Variants in ZRANB3 observed in about 807,000 individuals in gnomAD.
ZRANB3 encodes zinc finger RANBP2-type containing 3, also known as DNA annealing helicase and endonuclease ZRANB3.
In ZRANB3, 125 loss-of-function variants were observed where a neutral mutation model predicts 133.8. That is an observed-to-expected ratio of 0.93 (90% CI 0.81 to 1.08). The LOEUF is 1.08. Among genes scored for constraint, ZRANB3 ranks in the 50% least tolerant of loss-of-function variants. The pLI is 0.00. For missense variants in ZRANB3, 1,229 were observed against 1,275.5 expected, an observed-to-expected ratio of 0.96 and a Z score of 0.56; for synonymous variants, 387 against 432.7, an observed-to-expected ratio of 0.89 and a Z score of 1.31.
chr2:135,454,347 T>C (rs1272322691), intron 2 of ZRANB3, among the ~76,000 whole-genome samples: 1 of 152,196 alleles, frequency 6.6e-6, no homozygotes, highest in Non-Finnish European at 1.5e-5. Context: ...AAAAACATTG[T>C]TTCGGAGCCT....
At chr2:135,382,063 C>T (rs532551217) in intron 3 of ZRANB3, among the ~76,000 whole-genome samples, 15 of 152,178 alleles carry the variant, frequency 9.9e-5, no homozygotes, top group African/African-American at 2.9e-4. Flanking sequence ...GGAGGAAGTA[C>T]GAACCCAATG....
At chr2:135,340,476 A>G (rs573478516) in intron 6 of ZRANB3, among the ~76,000 whole-genome samples, 23 of 152,158 alleles carry the variant, frequency 1.5e-4, no homozygotes, top group Non-Finnish European at 2.4e-4. Context: ...TTCAAATAAC[A>G]TTTAGAATCA....
intron 6 of ZRANB3, among the ~76,000 whole-genome samples, chr2:135,325,497 C>T (rs746792654): frequency 4.6e-5 from 7 of 152,084 alleles, no homozygotes; most frequent in Middle Eastern, 3.4e-3. Flanking sequence ...CCCAGGTTCA[C>T]GCCATTCTCC....
intron 6 of ZRANB3, among the ~76,000 whole-genome samples, chr2:135,330,795 G>T (rs937142602): frequency 6.6e-6 from 1 of 152,052 alleles, no homozygotes; most frequent in African/African-American, 2.4e-5. Flanking sequence ...TATGTGTCCA[G>T]GAATTTTTCC....
chr2:135,337,904 C>T (rs1684440342), intron 6 of ZRANB3, among the ~76,000 whole-genome samples: 1 of 152,080 alleles, frequency 6.6e-6, no homozygotes, highest in Non-Finnish European at 1.5e-5. Context: ...CCCTGTTTTG[C>T]TCATGATTTT....
At chr2:135,521,073 T>C (rs1057138141) in intron 1 of ZRANB3, among the ~76,000 whole-genome samples, 4 of 152,182 alleles carry the variant, frequency 2.6e-5, no homozygotes, top group Non-Finnish European at 5.9e-5. Flanking sequence ...AATATAATTA[T>C]CCTCACGTTA....
At chr2:135,426,280 T>C (rs1337815172) in intron 2 of ZRANB3, among the ~76,000 whole-genome samples, 1 of 152,070 alleles carries the variant, frequency 6.6e-6, no homozygotes. Flanking sequence ...GCACTATTCC[T>C]ACTAAAACTA....
At chr2:135,434,165 A>C (rs533267193) in intron 2 of ZRANB3, among the ~76,000 whole-genome samples, 1 of 152,282 alleles carries the variant, frequency 6.6e-6, no homozygotes, top group African/African-American at 2.4e-5. Context: ...CTCCATCTCA[A>C]AAAAAAGAAA....
chr2:135,367,592 A>C (rs1281448637), intron 3 of ZRANB3, among the ~76,000 whole-genome samples: 3 of 152,182 alleles, frequency 2.0e-5, no homozygotes, highest in African/African-American at 7.2e-5. Context: ...AACCTAAAAA[A>C]AATAAATAAA....
At chr2:135,406,563 A>G (rs1688043443) in intron 2 of ZRANB3, among the ~76,000 whole-genome samples, 2 of 152,184 alleles carry the variant, frequency 1.3e-5, no homozygotes, top group African/African-American at 2.4e-5. Context: ...ATCGATGCAA[A>G]AATCCTCAAT....
chr2:135,437,053 G>C (rs1328526098), intron 2 of ZRANB3, among the ~76,000 whole-genome samples: 2 of 152,152 alleles, frequency 1.3e-5, no homozygotes, highest in African/African-American at 2.4e-5. Context: ...TCCACCTCCT[G>C]GGTTCAAGCG....
At chr2:135,250,151 CT>C (rs1679318401) in intron 12 of ZRANB3, among the ~76,000 whole-genome samples, 1 of 152,108 alleles carries the variant, frequency 6.6e-6, no homozygotes, top group Admixed American at 6.6e-5. Context: ...GCAAAAGTGA[CT>C]CTTGTTATGT....
At chr2:135,292,620 T>C (rs1159505690) in intron 8 of ZRANB3, among the ~76,000 whole-genome samples, 1 of 152,246 alleles carries the variant, frequency 6.6e-6, no homozygotes, top group Non-Finnish European at 1.5e-5. Flanking sequence ...TTTGACAATT[T>C]TGGCTTTTGT....
chr2:135,407,338 G>A (rs985046899), intron 2 of ZRANB3, among the ~76,000 whole-genome samples: 9 of 152,048 alleles, frequency 5.9e-5, no homozygotes, highest in Admixed American at 3.9e-4. Flanking sequence ...CAAACAAATC[G>A]AAGAACATTC....
At chr2:135,209,847 G>A (rs1174420156) in intron 17 of ZRANB3, among the ~76,000 whole-genome samples, 1 of 152,128 alleles carries the variant, frequency 6.6e-6, no homozygotes, top group Admixed American at 6.5e-5. Flanking sequence ...CAATGGAATT[G>A]TGCAATCGTA....
chr2:135,373,928 A>G (rs1267759765), intron 3 of ZRANB3, among the ~76,000 whole-genome samples: 1 of 151,836 alleles, frequency 6.6e-6, no homozygotes, highest in Admixed American at 6.6e-5. Context: ...TATGCTTTAC[A>G]TAAGCAATCC....
intron 2 of ZRANB3, among the ~76,000 whole-genome samples, chr2:135,422,168 CCA>C (rs1464113308): frequency 6.6e-6 from 1 of 151,884 alleles, no homozygotes; most frequent in African/African-American, 2.4e-5. Context: ...TCTCTTGACC[CCA>C]GTTTTCCTGA....
intron 3 of ZRANB3, among the ~76,000 whole-genome samples, chr2:135,380,738 A>G (rs1165074533): frequency 1.3e-5 from 2 of 152,254 alleles, no homozygotes; most frequent in African/African-American, 4.8e-5. Flanking sequence ...ACACGCTAAC[A>G]TCACAAGCAA....
At chr2:135,482,860 A>G (rs1165681588) in intron 2 of ZRANB3, among the ~76,000 whole-genome samples, 1 of 152,120 alleles carries the variant, frequency 6.6e-6, no homozygotes, top group African/African-American at 2.4e-5. Context: ...CTTTTTCTGC[A>G]TCTATTGAGA....
Sources: gnomAD v4.1 joint callset for allele counts (sites outside exome capture counted in the v4.1 genomes callset) on GRCh38, gnomAD v4.1.1 for gene constraint, MANE v1.5 for transcripts, NCBI Gene and HGNC (gene_info 2026-07-23, HGNC 2026-07-21) for gene names.